The following NAT10 variants were observed in gnomAD, a reference collection of about 807,000 sequenced individuals.
NAT10 encodes RNA cytidine acetyltransferase.
Under a neutral mutation model 132.2 loss-of-function variants are expected in NAT10, and 109 were observed. The observed-to-expected ratio is 0.82, with a 90% confidence interval of 0.71 to 0.97. The LOEUF is 0.97. NAT10 is among the 50% of genes least tolerant of loss of function. NAT10 has a pLI of 0.00. For synonymous variants in NAT10, 479 were observed against 478.0 expected (o/e 1.00, Z -0.03); for missense variants, 1,184 against 1,263.4 (o/e 0.94, Z 0.95).
chr11:34,131,146 G>C (rs1590774455), intron 13 of NAT10, among the ~76,000 whole-genome samples: 1 of 152,106 alleles, frequency 6.6e-6, no homozygotes, highest in East Asian at 1.9e-4. Context: ...TCTGATGGTG[G>C]GGCCCTTGTG....
Position 34,108,783 on chromosome 11 carries a change from G to T in NAT10, c.150G>T (p.Lys50Asn), listed in dbSNP as rs534066272. 3.1e-6 allele frequency: 5 copies of T among 1,613,962 alleles called. No individual in the cohort carries two copies. The South Asian group carries it at 5.5e-5, about 18-fold the overall frequency. ...LHHMLSKATVKARPSVLWCYK... is the reference protein window; with the variant it reads ...LHHMLSKATVNARPSVLWCYK... ...ACATGTTATCCAAAGCAACTGTGAAGGCTCGGCCTTCAGTGCTGTGGTGTT... is the reference window on the plus strand; with the variant it reads ...ACATGTTATCCAAAGCAACTGTGAATGCTCGGCCTTCAGTGCTGTGGTGTT... The change falls in exon 3 of 29, where the codon AAG becomes AAT. Residue 50 changes from lysine to asparagine, a missense_variant. Lys to Asn is a moderately conservative substitution (Grantham distance 94). Transcript: ENST00000257829.
chr11:34,129,183 C>T (rs940075054), intron 12 of NAT10, among the ~76,000 whole-genome samples: 1 of 152,222 alleles, frequency 6.6e-6, no homozygotes, highest in Non-Finnish European at 1.5e-5. Flanking sequence ...ATTGGGCTAA[C>T]TCTATGTTAG....
intron 3 of NAT10, among the ~76,000 whole-genome samples, chr11:34,110,284 C>T (rs2134152116): frequency 6.6e-6 from 1 of 152,074 alleles, no homozygotes; most frequent in East Asian, 1.9e-4. Flanking sequence ...GCTCTGGTTG[C>T]TTTATGCTGT....
intron 19 of NAT10, 84 bp downstream of exon 19, chr11:34,135,375 G>T: frequency 8.9e-7 from 1 of 1,118,662 alleles, no homozygotes; most frequent in Non-Finnish European, 1.3e-6. Context: ...ACAAAAACCA[G>T]TCCAGAGCTT....
chr11:34,107,493 C>T (rs75129511), intron 1 of NAT10, among the ~76,000 whole-genome samples: 12,543 of 152,248 alleles, frequency 0.082, 530 homozygotes, highest in Non-Finnish European at 0.092. Context: ...TCCCACCATC[C>T]AGAAGTAGCT....
At chr11:34,126,350 G>A (rs893856523) in intron 11 of NAT10, among the ~76,000 whole-genome samples, 5 of 152,132 alleles carry the variant, frequency 3.3e-5, no homozygotes, top group African/African-American at 9.7e-5. Flanking sequence ...GTAATTATCT[G>A]TCCATAAGTG....
chr11:34,122,004 T>C (rs1257687520), intron 8 of NAT10, among the ~76,000 whole-genome samples: 1 of 151,428 alleles, frequency 6.6e-6, no homozygotes, highest in Non-Finnish European at 1.5e-5. Context: ...GGTGAAACCC[T>C]GTCTCTACTA....
intron 23 of NAT10, among the ~76,000 whole-genome samples, chr11:34,140,039 A>G (rs568011871): frequency 2.3e-4 from 35 of 152,376 alleles, no homozygotes; most frequent in African/African-American, 7.5e-4. Context: ...AGAAATCCGT[A>G]TATCTTGAGC....
At position 34,141,702 on chromosome 11, in the gene NAT10, T is replaced by C; in HGVS notation, c.2713-17T>C. ...TGCTCCTTCATCTTCTGCTTCTCTG[T>C]TGGTTGTCTTTTGTAGCTATTTAAT... On this transcript the variant is annotated splice_polypyrimidine_tract_variant and intron_variant, in intron 25 of 28. Coordinates refer to ENST00000257829, the MANE Select transcript of NAT10 (RefSeq NM_024662.3). 6.2e-7 allele frequency: 1 copy of C among 1,609,248 alleles called. No homozygotes were observed. The highest frequency in any genetic ancestry group is 8.5e-7 in the Non-Finnish European group (1 of 1,175,574).
In NAT10 at chr11:34,112,215, G is replaced by T; in HGVS notation, c.364G>T (p.Val122Leu). 6.2e-7 allele frequency: 1 copy of T among 1,614,234 alleles called. No homozygotes were observed. Residue 122 changes from valine (V) to leucine (L), a missense_variant, in exon 4 of 29, where the codon GTG becomes TTG. Val to Leu is a conservative substitution (Grantham distance 32, BLOSUM62 1). Coordinates refer to ENST00000257829, the MANE Select transcript of NAT10 (RefSeq NM_024662.3). ...KILGNTFGMC[V>L]LQDFEALTPN... ...CCTGGGCAATACCTTCGGCATGTGT[G>T]TGCTGCAGGTGGGTGGCTTCCTCTA...
chr11:34,135,371 A>G, intron 19 of NAT10, 80 bp downstream of exon 19: 1 of 1,159,104 alleles, frequency 8.6e-7, no homozygotes, highest in Admixed American at 1.8e-5. Flanking sequence ...ATCAACAAAA[A>G]CCAGTCCAGA....
rs1397306098 is a variant in NAT10, at chr11:34,143,460, G to GGACGA, written c.2902_2906dup (p.Asp969GlufsTer10). ...TTTTTTTTAGATACATAATCCGTGG[G>GGACGA]GACGATGAAGAGTGGAATGAAGTTT... On this transcript the variant is annotated frameshift_variant, in exon 28 of 29. Coordinates refer to ENST00000257829, the MANE Select transcript of NAT10 (RefSeq NM_024662.3). LOFTEE classifies it high-confidence loss of function. The GGACGA allele has an allele frequency of 6.2e-7, 1 of 1,614,034 alleles. No homozygotes were observed. The highest frequency in any genetic ancestry group is 2.2e-5 in the East Asian group (1 of 44,884).
intron 12 of NAT10, among the ~76,000 whole-genome samples, chr11:34,128,773 CACCACA>C (rs1852047554): frequency 6.6e-6 from 1 of 152,164 alleles, no homozygotes; most frequent in Admixed American, 6.5e-5. Context: ...CAACCGTGCT[CACCACA>C]ACCAATTTTA....
intron 10 of NAT10, 143 bp downstream of exon 10, chr11:34,123,998 C>G (rs569372499): frequency 3.2e-6 from 2 of 622,992 alleles, no homozygotes; most frequent in East Asian, 3.0e-5. Context: ...AGAGAAACCC[C>G]GTCTCTACTA....
Position 34,115,802 on chromosome 11 carries a change from GA to G in NAT10, c.496-20del. 6.2e-7 allele frequency: 1 copy of G among 1,613,518 alleles called. No individual in the cohort carries two copies. The highest frequency in any genetic ancestry group is 8.5e-7 in the Non-Finnish European group (1 of 1,179,632). On this transcript the variant is annotated intron_variant, in intron 5 of 28. Coordinates refer to ENST00000257829, the MANE Select transcript of NAT10 (RefSeq NM_024662.3). ...CACTGTTTGCATGCCTTTGTTAATG[GA>G]TGTTGTCTTTCTTTGTTAGGATGTG...
chr11:34,139,317 C>T, intron 22 of NAT10, 30 bp downstream of exon 22: 1 of 1,611,818 alleles, frequency 6.2e-7, no homozygotes, highest in Non-Finnish European at 8.5e-7. Context: ...TTGGGGGAGA[C>T]AATGAGGTGA....
chr11:34,133,436 A>G (rs1199339006), intron 16 of NAT10, among the ~76,000 whole-genome samples: 1 of 152,212 alleles, frequency 6.6e-6, no homozygotes, highest in Non-Finnish European at 1.5e-5. Context: ...CTTTATTACA[A>G]AAGCAATACA....
In NAT10 at chr11:34,127,548, T is replaced by C. The variant is rs759976780; in HGVS notation, c.1193T>C (p.Val398Ala). ...DEAAAIPLPL[V>A]KSLLGPYLVF... ...GCTGCCGCCATCCCCCTCCCCTTGG[T>C]GAAGAGCCTACTTGGCCCCTACCTT... The change falls in exon 12 of 29, where the codon GTG (valine) becomes GCG (alanine). Residue 398 changes from valine to alanine, a missense_variant. Val to Ala is a moderately conservative substitution (Grantham distance 64). Transcript: ENST00000257829. 10 of 1,614,172 alleles carry C rather than the reference T, an allele frequency of 6.2e-6. No homozygotes were observed. Among genetic ancestry groups the C allele is most frequent in the Non-Finnish European group, 8.5e-6 (10 of 1,179,996 alleles).
intron 21 of NAT10, 107 bp from the exon 22 acceptor site, chr11:34,139,084 C>T: frequency 9.7e-7 from 1 of 1,029,782 alleles, no homozygotes; most frequent in Admixed American, 1.9e-5. Context: ...AAGGAGAGGC[C>T]TGCGGAAGCA....
Sources: gnomAD v4.1 joint callset for allele counts (sites outside exome capture counted in the v4.1 genomes callset) on GRCh38, gnomAD v4.1.1 for gene constraint, MANE v1.5 for transcripts, NCBI Gene and HGNC (gene_info 2026-07-23, HGNC 2026-07-21) for gene names.